SCD5: variants seen among roughly 807,000 people sequenced by gnomAD.
The protein encoded by SCD5 is stearoyl-CoA desaturase 5, also known as acyl-CoA-desaturase 4.
A neutral mutation model predicts 30.4 loss-of-function variants in SCD5; 20 were observed. That is an observed-to-expected ratio of 0.66 (90% CI 0.46 to 0.96). The LOEUF is 0.96. Ranked by LOEUF, SCD5 falls within the 40% of genes least tolerant of loss-of-function variation. The pLI is 0.00. For synonymous variants in SCD5, 173 were observed against 176.4 expected (o/e 0.98, Z 0.16); for missense variants, 381 against 443.3 (o/e 0.86, Z 1.26).
chr4:82,660,993 T>A (rs1374666373), intron 3 of SCD5: 1 of 1,614,060 alleles, frequency 6.2e-7, no homozygotes, highest in Non-Finnish European at 8.5e-7. Flanking sequence ...TGACTTTCAA[T>A]ATATGCCCTT....
intron 3 of SCD5, among the ~76,000 whole-genome samples, chr4:82,653,830 T>A (rs1017451925): frequency 6.6e-6 from 1 of 152,166 alleles, no homozygotes; most frequent in Admixed American, 6.5e-5. Context: ...GTTTTTCTCT[T>A]CTTTAAAATG....
chr4:82,685,520 C>G (rs907838375), intron 2 of SCD5, among the ~76,000 whole-genome samples: 2 of 152,014 alleles, frequency 1.3e-5, no homozygotes, highest in Non-Finnish European at 2.9e-5. Flanking sequence ...CGAGACCAGC[C>G]TGGCCAACAT....
At chr4:82,770,178 GC>G (rs34683181) in intron 1 of SCD5, among the ~76,000 whole-genome samples, 24,716 of 151,764 alleles carry the variant, frequency 0.16, 2,470 homozygotes, top group African/African-American at 0.27. Context: ...ATGCTATCCT[GC>G]CCCCCTCCCC....
At chr4:82,704,395 G>T (rs1719924768) in intron 2 of SCD5, among the ~76,000 whole-genome samples, 1 of 152,176 alleles carries the variant, frequency 6.6e-6, no homozygotes, top group Non-Finnish European at 1.5e-5. Context: ...GTGGGCAGAA[G>T]TTTTGAAAAC....
chr4:82,691,351 T>A (rs956541647), intron 2 of SCD5, among the ~76,000 whole-genome samples: 1 of 152,080 alleles, frequency 6.6e-6, no homozygotes, highest in African/African-American at 2.4e-5. Context: ...AACTGGGTCA[T>A]CTTCAGGTTG....
At chr4:82,781,698 GGCTCCCTCTTGCTCTCTCTC>G (rs1560561998) in intron 1 of SCD5, among the ~76,000 whole-genome samples, 5 of 152,082 alleles carry the variant, frequency 3.3e-5, no homozygotes, top group African/African-American at 1.2e-4. Context: ...GGATGAGGTG[GGCTCCCTCTTGCTCTCTCTC>G]ACCCTCTCAT....
chr4:82,670,102 G>T (rs1308627406), intron 3 of SCD5, among the ~76,000 whole-genome samples: 1 of 151,980 alleles, frequency 6.6e-6, no homozygotes, highest in African/African-American at 2.4e-5. Context: ...CAGTTATCAA[G>T]AAAAAATTAT....
At chr4:82,637,648 A>G (rs1215511926) in intron 3 of SCD5, among the ~76,000 whole-genome samples, 1 of 152,226 alleles carries the variant, frequency 6.6e-6, no homozygotes, top group Non-Finnish European at 1.5e-5. Flanking sequence ...AGGAACATCA[A>G]AGTAACTGAA....
At chr4:82,661,765 C>A (rs1728013285) in intron 3 of SCD5, among the ~76,000 whole-genome samples, 1 of 152,224 alleles carries the variant, frequency 6.6e-6, no homozygotes, top group Non-Finnish European at 1.5e-5. Context: ...AGGTTGTAAA[C>A]CAGCACTAAG....
intron 1 of SCD5, among the ~76,000 whole-genome samples, chr4:82,742,938 A>G (rs1720907858): frequency 6.6e-6 from 1 of 151,994 alleles, no homozygotes; most frequent in African/African-American, 2.4e-5. Context: ...CTCCCCAATT[A>G]CCCACCCAGT....
chr4:82,738,059 T>A (rs978084787), intron 1 of SCD5, among the ~76,000 whole-genome samples: 1 of 151,386 alleles, frequency 6.6e-6, no homozygotes, highest in African/African-American at 2.4e-5. Flanking sequence ...AAATACTTAA[T>A]AAATGTATTC....
chr4:82,696,326 G>A (rs889485301), intron 2 of SCD5, among the ~76,000 whole-genome samples: 1 of 152,168 alleles, frequency 6.6e-6, no homozygotes, highest in Non-Finnish European at 1.5e-5. Flanking sequence ...ATCCCGTGAC[G>A]AGAGCGCTGG....
intron 3 of SCD5, among the ~76,000 whole-genome samples, chr4:82,667,566 A>G (rs1728218861): frequency 6.6e-6 from 1 of 152,208 alleles, no homozygotes; most frequent in Non-Finnish European, 1.5e-5. Flanking sequence ...CTCTTTAGAA[A>G]GGCCAAAAGT....
At chr4:82,666,103 G>A (rs1049868635) in intron 3 of SCD5, among the ~76,000 whole-genome samples, 6 of 134,946 alleles carry the variant, frequency 4.4e-5, no homozygotes, top group Non-Finnish European at 9.4e-5. Context: ...AATTGTTAAA[G>A]GAAATAATAA....
intron 3 of SCD5, among the ~76,000 whole-genome samples, chr4:82,639,791 A>G (rs980700152): frequency 3.3e-5 from 5 of 152,208 alleles, no homozygotes; most frequent in Non-Finnish European, 5.9e-5. Context: ...AACAGAAGCC[A>G]TCTTGCAACT....
At position 82,712,275 on chromosome 4, in the gene SCD5, TATATATATATATATATATATA is replaced by T. The variant is rs1560540784; in HGVS notation, c.233-6883_233-6863del. Among the ~76,000 whole-genome samples, 163 of 50,584 alleles carry T rather than the reference TATATATATATATATATATATA, an allele frequency of 3.2e-3. 28 individuals are homozygous for T. Among genetic ancestry groups the T allele is most frequent in the African/African-American group, 0.017 (145 of 8,360 alleles). 33.2% of individuals were successfully genotyped at this position (50,584 alleles called of 152,430 possible). A position where few individuals can be genotyped will look rare whatever the true frequency, so the allele number is the denominator to read the frequency against. On this transcript the variant is annotated intron_variant, in intron 1 of 4. Transcript: ENST00000319540. ...ATATATATATATATATATATATATA[TATATATATATATATATATATA>T]TTTTATTTTTATTTTATTTTTTTTT...
chr4:82,736,955 C>T (rs968669368), intron 1 of SCD5, among the ~76,000 whole-genome samples: 10 of 152,234 alleles, frequency 6.6e-5, no homozygotes, highest in South Asian at 2.1e-4. Flanking sequence ...TGTAAGCCAC[C>T]GTGCCAGACC....
At chr4:82,723,923 G>A (rs1720420696) in intron 1 of SCD5, among the ~76,000 whole-genome samples, 1 of 152,152 alleles carries the variant, frequency 6.6e-6, no homozygotes, top group Admixed American at 6.6e-5. Context: ...ATAGTCTGAG[G>A]ACACATGAAA....
intron 3 of SCD5, among the ~76,000 whole-genome samples, chr4:82,677,422 A>C (rs1412670391): frequency 6.6e-6 from 1 of 152,192 alleles, no homozygotes; most frequent in Non-Finnish European, 1.5e-5. Flanking sequence ...GCATGAACTG[A>C]GATCTGCTGT....
Sources: gnomAD v4.1 joint callset for allele counts (sites outside exome capture counted in the v4.1 genomes callset) on GRCh38, gnomAD v4.1.1 for gene constraint, MANE v1.5 for transcripts, NCBI Gene and HGNC (gene_info 2026-07-23, HGNC 2026-07-21) for gene names.